The following PCDHGB4 variants were observed in gnomAD, a reference collection of about 807,000 sequenced individuals.
The protein encoded by PCDHGB4 is protocadherin gamma subfamily B, 4, also known as protocadherin gamma-B4.
A neutral mutation model predicts 60.5 loss-of-function variants in PCDHGB4; 38 were observed. That is an observed-to-expected ratio of 0.63 (90% CI 0.48 to 0.82). PCDHGB4 has a LOEUF of 0.82. Among genes scored for constraint, PCDHGB4 ranks in the 40% least tolerant of loss-of-function variants. PCDHGB4 has a pLI of 0.00. For missense variants in PCDHGB4, 1,109 were observed against 1,209.6 expected, an observed-to-expected ratio of 0.92 and a Z score of 1.23; for synonymous variants, 456 against 509.7, an observed-to-expected ratio of 0.89 and a Z score of 1.42.
Position 141,409,459 on chromosome 5 carries a change from T to C in PCDHGB4, c.2397+19178T>C, listed in dbSNP as rs139792503. On this transcript the variant is annotated intron_variant, in intron 1 of 3. Coordinates refer to ENST00000519479, the MANE Select transcript of PCDHGB4 (RefSeq NM_003736.4). ...ACCGAGAGCAGACACCAGAATACAA[T>C]GTCACCATCGTAGCCACTGACAGGG... 4.9e-3 allele frequency: 7,986 copies of C among 1,613,950 alleles called. 44 individuals are homozygous for C. The highest frequency in any genetic ancestry group is 9.4e-3 in the Admixed American group (567 of 60,028).
intron 1 of PCDHGB4, among the ~76,000 whole-genome samples, chr5:141,484,837 T>C (rs1289449270): frequency 6.6e-6 from 1 of 151,620 alleles, no homozygotes; most frequent in Non-Finnish European, 1.5e-5. Context: ...GGCGAAAAGA[T>C]AGGCTGGGTT....
chr5:141,465,454 T>G (rs1031876441), intron 1 of PCDHGB4, among the ~76,000 whole-genome samples: 1 of 152,184 alleles, frequency 6.6e-6, no homozygotes, highest in African/African-American at 2.4e-5. Context: ...AAGAAAACTC[T>G]CACCAAATTG....
At chr5:141,412,935 G>T in intron 1 of PCDHGB4, 1 of 453,864 alleles carries the variant, frequency 2.2e-6, no homozygotes, top group East Asian at 3.4e-5. Flanking sequence ...AACTTCTTAG[G>T]ACTCTGAGCG....
chr5:141,414,533 C>T, intron 1 of PCDHGB4: 1 of 1,613,960 alleles, frequency 6.2e-7, no homozygotes, highest in Non-Finnish European at 8.5e-7. Flanking sequence ...AATGACAACC[C>T]ACCTACCTTC....
rs556217163 is a variant in PCDHGB4, at chr5:141,433,697, C to T, written c.2397+43416C>T. Among the ~76,000 whole-genome samples the T allele has an allele frequency of 6.0e-4, 91 of 152,138 alleles. 1 individual carries two copies. Among genetic ancestry groups the T allele is most frequent in the African/African-American group, 2.0e-3 (85 of 41,536 alleles). ...CTAAAAAAATACAAAATTAGCCGGGCGTGGTGGTGCATGTCTGTAATCCCA... is the reference window on the plus strand; with the variant it reads ...CTAAAAAAATACAAAATTAGCCGGGTGTGGTGGTGCATGTCTGTAATCCCA... On this transcript the variant is annotated intron_variant, in intron 1 of 3. Coordinates refer to ENST00000519479, the MANE Select transcript of PCDHGB4 (RefSeq NM_003736.4).
Position 141,487,870 on chromosome 5 carries a change from C to A in PCDHGB4, c.2398-6937C>A. On this transcript the variant is annotated intron_variant, in intron 1 of 3. Transcript: ENST00000519479. This position sits in a 1 kb window ranked among gnomAD's most constrained non-coding sequence, Gnocchi z 5.0. ...AATGAAAGTAATTGGTGATCAAGAGCCAGGCTGTTGTGGAAGCATGATGAT... is the reference window on the plus strand; with the variant it reads ...AATGAAAGTAATTGGTGATCAAGAGACAGGCTGTTGTGGAAGCATGATGAT... 3.5e-6 allele frequency: 3 copies of A among 865,052 alleles called. No individual in the cohort carries two copies. The highest frequency in any genetic ancestry group is 5.3e-6 in the Non-Finnish European group (3 of 568,628). The allele number at this position is 865,052 out of a possible 1,614,324, so 53.6% of individuals were successfully genotyped here.
chr5:141,395,489 A>C (rs1268928793), intron 1 of PCDHGB4: 1 of 480,438 alleles, frequency 2.1e-6, no homozygotes, highest in Non-Finnish European at 3.6e-6. Flanking sequence ...TCCTATTATC[A>C]CTCATTCACT....
At chr5:141,399,911 G>T in intron 1 of PCDHGB4, 1 of 1,612,384 alleles carries the variant, frequency 6.2e-7, no homozygotes. Flanking sequence ...GCAGACTCAG[G>T]ACACAACGCC....
At chr5:141,428,147 G>T (rs771536400) in intron 1 of PCDHGB4, 1 of 1,589,612 alleles carries the variant, frequency 6.3e-7, no homozygotes, top group South Asian at 1.1e-5. Flanking sequence ...GGCTGCACAC[G>T]GGAACCTGCT....
chr5:141,450,207 A>AAGG (rs1164364390), intron 1 of PCDHGB4, among the ~76,000 whole-genome samples: 13 of 151,832 alleles, frequency 8.6e-5, no homozygotes, highest in Non-Finnish European at 1.8e-4. Flanking sequence ...TAGTAGAGAC[A>AAGG]AGGTTTCACT....
intron 1 of PCDHGB4, chr5:141,429,047 GGTTTCACC>G (rs1254088441): frequency 1.3e-5 from 2 of 152,034 alleles, no homozygotes; most frequent in Non-Finnish European, 2.9e-5. Flanking sequence ...GTACAGACGG[GGTTTCACC>G]GTGTTAGCCA....
chr5:141,409,766 C>G, intron 1 of PCDHGB4: 1 of 1,612,910 alleles, frequency 6.2e-7, no homozygotes, highest in Non-Finnish European at 8.5e-7. Context: ...CGCCTTTGAT[C>G]ACGAGCAGCT....
intron 1 of PCDHGB4, among the ~76,000 whole-genome samples, chr5:141,470,591 G>A (rs1271473509): frequency 1.3e-5 from 2 of 152,132 alleles, no homozygotes; most frequent in African/African-American, 4.8e-5. Flanking sequence ...ATAGGCAGGC[G>A]ACCTGTGCGG....
chr5:141,439,629 A>G (rs1262264623), intron 1 of PCDHGB4, among the ~76,000 whole-genome samples: 1 of 152,208 alleles, frequency 6.6e-6, no homozygotes, highest in East Asian at 1.9e-4. Flanking sequence ...CAATCCCCAG[A>G]CATTCCGGCT....
rs1411664231 is a variant in PCDHGB4 at position 141,390,362 on chromosome 5, GA to G, written c.2397+85del. 3.9e-6 allele frequency: 6 copies of G among 1,532,890 alleles called. No individual in the cohort carries two copies. In the African/African-American group the frequency reaches 8.3e-5, roughly 21 times the overall value. 95.0% of individuals were successfully genotyped at this position (1,532,890 alleles called of 1,614,324 possible). ...CACAAGAAAATATACATATTTGCAG[GA>G]AAATATATAATTTTTAGATGTCATG... On this transcript the variant is annotated intron_variant, in intron 1 of 3. Coordinates refer to ENST00000519479, the MANE Select transcript of PCDHGB4 (RefSeq NM_003736.4).
chr5:141,433,106 G>C, intron 1 of PCDHGB4: 1 of 1,614,170 alleles, frequency 6.2e-7, no homozygotes, highest in Non-Finnish European at 8.5e-7. Flanking sequence ...CGTCAGCCAG[G>C]AGAGCTTTGA....
At chr5:141,427,986 G>C in intron 1 of PCDHGB4, 1 of 1,598,018 alleles carries the variant, frequency 6.3e-7, no homozygotes, top group East Asian at 2.2e-5. Context: ...GCTGGGGCCC[G>C]ATGGCTCCGC....
intron 1 of PCDHGB4, chr5:141,478,158 C>G: frequency 6.2e-7 from 1 of 1,614,054 alleles, no homozygotes; most frequent in Non-Finnish European, 8.5e-7. Flanking sequence ...CCCTCTGGCT[C>G]TGCCCCCCGG....
intron 1 of PCDHGB4, among the ~76,000 whole-genome samples, chr5:141,474,643 CCTTA>C (rs1474125632): frequency 1.3e-5 from 2 of 152,134 alleles, no homozygotes; most frequent in Admixed American, 1.3e-4. Flanking sequence ...TCCTATATAT[CCTTA>C]CTTCTTTTCT....
Sources: gnomAD v4.1 joint callset for allele counts (sites outside exome capture counted in the v4.1 genomes callset) on GRCh38, gnomAD v4.1.1 for gene constraint, Gnocchi (gnomAD v3.1) non-coding constraint, MANE v1.5 for transcripts, NCBI Gene and HGNC (gene_info 2026-07-23, HGNC 2026-07-21) for gene names.